The following ATP6V1B1 variants were observed in gnomAD, a reference collection of about 807,000 sequenced individuals.
ATP6V1B1 encodes V-type proton ATPase subunit B, kidney isoform.
A neutral mutation model predicts 62.1 loss-of-function variants in ATP6V1B1; 41 were observed. That is an observed-to-expected ratio of 0.66 (90% CI 0.51 to 0.86). ATP6V1B1 has a LOEUF of 0.86. ATP6V1B1 is among the 40% of genes least tolerant of loss of function. The pLI is 0.00. For missense variants in ATP6V1B1, 651 were observed against 697.5 expected, an observed-to-expected ratio of 0.93 and a Z score of 0.75; for synonymous variants, 253 against 273.4, an observed-to-expected ratio of 0.93 and a Z score of 0.74.
intron 2 of ATP6V1B1, among the ~76,000 whole-genome samples, chr2:70,956,507 C>A (rs1300840619): frequency 3.3e-5 from 5 of 152,226 alleles, no homozygotes; most frequent in African/African-American, 1.2e-4. Flanking sequence ...ATGAATATTG[C>A]CAGACTGCTT....
rs1680525125 is a variant in ATP6V1B1, at chr2:70,959,374, G to A, written c.445+279G>A. On this transcript the variant is annotated intron_variant, in intron 5 of 13. Transcript: ENST00000234396. The surrounding 1 kb of genome is among the most constrained non-coding windows in gnomAD (Gnocchi z 4.2). ...GTCCACAATCCTGAGAATGGGCTGC[G>A]GTGCTCTGCCGGCTCTCGTCCATTC... 6.6e-6 allele frequency among the ~76,000 whole-genome samples: 1 copy of A among 152,184 alleles called. No homozygotes were observed. The highest frequency in any genetic ancestry group is 2.1e-4 in the South Asian group (1 of 4,832).
chr2:70,956,612 TA>T (rs1216091251), intron 2 of ATP6V1B1, among the ~76,000 whole-genome samples: 1 of 152,220 alleles, frequency 6.6e-6, no homozygotes, highest in Non-Finnish European at 1.5e-5. Flanking sequence ...TATTTTATTT[TA>T]TTTTTTTGAG....
chr2:70,959,162 T>C lies in ATP6V1B1; in HGVS notation c.445+67T>C. ...TAACACCTTCCCCACTCTTGGAAGTTCTGCCCAGACTCACAAGCAGATCAG... is the reference window on the plus strand; with the variant it reads ...TAACACCTTCCCCACTCTTGGAAGTCCTGCCCAGACTCACAAGCAGATCAG... On this transcript the variant is annotated intron_variant, in intron 5 of 13. Coordinates refer to ENST00000234396, the MANE Select transcript of ATP6V1B1 (RefSeq NM_001692.4). The surrounding 1 kb of genome is among the most constrained non-coding windows in gnomAD (Gnocchi z 4.2). 6.5e-7 allele frequency: 1 copy of C among 1,542,122 alleles called. No homozygotes were observed. The highest frequency in any genetic ancestry group is 1.1e-5 in the South Asian group (1 of 88,574).
intron 1 of ATP6V1B1, chr2:70,941,825 A>G: frequency 1.0e-6 from 1 of 985,920 alleles, no homozygotes; most frequent in Non-Finnish European, 1.2e-6. Flanking sequence ...GAGGAGTGTG[A>G]GTCTTCAGAG....
rs782243671 is a variant in ATP6V1B1 at position 70,961,704 on chromosome 2, C to A, written c.785+11C>A. ...GGCCAATGACCCCACGTGAGCTTTC[C>A]CTGATGCCCAAACTGCCCTCAGGTG... On this transcript the variant is annotated intron_variant, in intron 8 of 13. Coordinates refer to ENST00000234396, the MANE Select transcript of ATP6V1B1 (RefSeq NM_001692.4). 1 of 1,613,762 alleles carries A rather than the reference C, an allele frequency of 6.2e-7. No individual in the cohort carries two copies. Among genetic ancestry groups the A allele is most frequent in the South Asian group, 1.1e-5 (1 of 91,072 alleles).
chr2:70,961,069 C>A, intron 7 of ATP6V1B1, 47 bp downstream of exon 7: 1 of 1,533,136 alleles, frequency 6.5e-7, no homozygotes, highest in Non-Finnish European at 8.8e-7. Context: ...TGTGAGCAGG[C>A]AGCCTGTCTC....
chr2:70,963,994 T>A lies in ATP6V1B1; in HGVS notation c.1143+340T>A. The A allele has an allele frequency of 4.3e-6, 2 of 461,164 alleles. No individual in the cohort carries two copies. The highest frequency in any genetic ancestry group is 8.0e-6 in the Non-Finnish European group (2 of 250,328). The allele number at this position is 461,164 out of a possible 1,614,324, so 28.6% of individuals were successfully genotyped here. A position where few individuals can be genotyped will look rare whatever the true frequency, so the allele number is the denominator to read the frequency against. On this transcript the variant is annotated intron_variant, in intron 11 of 13. Transcript: ENST00000234396. This position sits in a 1 kb window ranked among gnomAD's most constrained non-coding sequence, Gnocchi z 4.3. ...CATCTGGCAGATAGTCAATACTATT[T>A]GCCTTCCCTTTCCAGTTATTTGCTT... is the stretch of plus-strand genomic sequence containing the variant.
chr2:70,943,531 G>A (rs1553416749), intron 1 of ATP6V1B1, 127 bp from the exon 2 acceptor site: 3 of 995,318 alleles, frequency 3.0e-6, no homozygotes, highest in African/African-American at 3.2e-5. Context: ...CACAGCTAAT[G>A]ACCCTGACGG....
chr2:70,955,541 G>A lies in ATP6V1B1; in HGVS notation c.175-2505G>A, dbSNP rs143867379. Among the ~76,000 whole-genome samples the A allele has an allele frequency of 1.1e-3, 172 of 152,260 alleles. 1 individual carries two copies. The highest frequency in any genetic ancestry group is 4.3e-3 in the Admixed American group (66 of 15,292). ...ATCTACTTTCTGTCTTTATGGAATT[G>A]CCTATTCTGGACATTTTCTATTAAT... On this transcript the variant is annotated intron_variant, in intron 2 of 13. Coordinates refer to ENST00000234396, the MANE Select transcript of ATP6V1B1 (RefSeq NM_001692.4).
intron 8 of ATP6V1B1, 99 bp from the exon 9 acceptor site, chr2:70,962,678 C>G: frequency 6.4e-7 from 1 of 1,573,066 alleles, no homozygotes; most frequent in Non-Finnish European, 8.6e-7. Context: ...CCACTATGCA[C>G]AACACCAGCT....
At chr2:70,957,218 T>A (rs1680459017) in intron 2 of ATP6V1B1, among the ~76,000 whole-genome samples, 1 of 148,872 alleles carries the variant, frequency 6.7e-6, no homozygotes, top group Non-Finnish European at 1.5e-5. Context: ...TCCAAGTAGC[T>A]GGGACTACAG....
At chr2:70,944,491 C>T (rs1207233895) in intron 2 of ATP6V1B1, among the ~76,000 whole-genome samples, 1 of 151,946 alleles carries the variant, frequency 6.6e-6, no homozygotes, top group African/African-American at 2.4e-5. Context: ...GACCCCACAC[C>T]TGCCAGCGCC....
chr2:70,943,917 T>G, intron 2 of ATP6V1B1: 1 of 869,654 alleles, frequency 1.1e-6, no homozygotes, highest in African/African-American at 1.8e-5. Flanking sequence ...GCCTTTTCAG[T>G]AAAAACCATA....
At chr2:70,940,824 G>C (rs1219222875) in intron 1 of ATP6V1B1, 1 of 985,194 alleles carries the variant, frequency 1.0e-6, no homozygotes, top group African/African-American at 1.7e-5. Context: ...GGAAGTATGA[G>C]AAGGAGCAGA....
At chr2:70,958,981 G>T in intron 4 of ATP6V1B1, 37 bp from the exon 5 acceptor site, 1 of 1,604,268 alleles carries the variant, frequency 6.2e-7, no homozygotes, top group Non-Finnish European at 8.5e-7. Flanking sequence ...CACAGGGCTA[G>T]CCTGAGCACC....
intron 2 of ATP6V1B1, among the ~76,000 whole-genome samples, chr2:70,945,101 A>G (rs112358327): frequency 5.9e-5 from 9 of 152,342 alleles, no homozygotes; most frequent in African/African-American, 2.2e-4. Context: ...GGGCACTTGC[A>G]TGTCATTTTT....
intron 8 of ATP6V1B1, among the ~76,000 whole-genome samples, chr2:70,962,456 C>T (rs1042368639): frequency 2.0e-5 from 3 of 152,166 alleles, no homozygotes; most frequent in African/African-American, 7.2e-5. Context: ...CCTTCCCCTT[C>T]GGTCCACAGG....
At chr2:70,955,137 G>A (rs2104821398) in intron 2 of ATP6V1B1, among the ~76,000 whole-genome samples, 1 of 152,258 alleles carries the variant, frequency 6.6e-6, no homozygotes, top group South Asian at 2.1e-4. Flanking sequence ...TGGAGGAACA[G>A]CCTGATGGTT....
At chr2:70,938,030 G>T (rs765862168) in intron 1 of ATP6V1B1, among the ~76,000 whole-genome samples, 1 of 152,158 alleles carries the variant, frequency 6.6e-6, no homozygotes, top group Non-Finnish European at 1.5e-5. Context: ...CAGAGCAAAG[G>T]TCAGTGCAGG....
Sources: gnomAD v4.1 joint callset for allele counts (sites outside exome capture counted in the v4.1 genomes callset) on GRCh38, gnomAD v4.1.1 for gene constraint, Gnocchi (gnomAD v3.1) non-coding constraint, MANE v1.5 for transcripts, NCBI Gene and HGNC (gene_info 2026-07-23, HGNC 2026-07-21) for gene names.